The following ATG2A variants were observed in gnomAD, a reference collection of about 807,000 sequenced individuals.
The protein encoded by ATG2A is autophagy-related protein 2 homolog A.
A neutral mutation model predicts 214.2 loss-of-function variants in ATG2A; 103 were observed. That is an observed-to-expected ratio of 0.48 (90% CI 0.41 to 0.57). ATG2A has a LOEUF of 0.57. Among genes scored for constraint, ATG2A ranks in the 20% least tolerant of loss-of-function variants. ATG2A has a pLI of 0.00. For missense variants in ATG2A, 2,312 were observed against 2,613.2 expected, an observed-to-expected ratio of 0.88 and a Z score of 2.51; for synonymous variants, 1,160 against 1,142.1, an observed-to-expected ratio of 1.02 and a Z score of -0.32.
upstream of ATG2A, chr11:64,917,209 T>TAG (rs1945023778): frequency 2.8e-6 from 4 of 1,430,302 alleles, no homozygotes; most frequent in Admixed American, 9.6e-5. Flanking sequence ...CGCTGTTCAC[T>TAG]AGAGCCCCCG....
In ATG2A at chr11:64,913,277, G is replaced by A; in HGVS notation, c.715C>T (p.Leu239Phe). The A allele has an allele frequency of 1.2e-6, 2 of 1,611,466 alleles. No individual in the cohort carries two copies. The highest frequency in any genetic ancestry group is 1.7e-6 in the Non-Finnish European group (2 of 1,179,606). ...CAGAGCCCGCTCACCTGTGCCGGGA[G>A]CTCCTCGTAGTGCAGGCGGACCCCT... The part of the protein sequence containing the change: ...LAGVRLHYEE[L>F]PAQEEPPEPP... Residue 239 changes from leucine to phenylalanine, a missense_variant, in exon 5 of 41, where the codon CTC becomes TTC. Physicochemically the swap from Leu to Phe is conservative, Grantham distance 22. Transcript: ENST00000377264. The surrounding 1 kb of genome is among the most constrained non-coding windows in gnomAD (Gnocchi z 4.3).
Position 64,910,086 on chromosome 11 carries a change from A to T in ATG2A, c.1817T>A (p.Leu606Gln). 1 of 1,608,170 alleles carries T rather than the reference A, an allele frequency of 6.2e-7. No individual in the cohort carries two copies. The highest frequency in any genetic ancestry group is 8.5e-7 in the Non-Finnish European group (1 of 1,178,348). ...ELGALDRLAA[L>Q]LRLATVPAEP... ...AGCAGGTACGGTGGCCAGGCGCAGTAGGGCGGCCAGCCGGTCCAGGGCCCC... is the reference window on the plus strand; with the variant it reads ...AGCAGGTACGGTGGCCAGGCGCAGTTGGGCGGCCAGCCGGTCCAGGGCCCC... The change falls in exon 13 of 41, where the codon CTA (leucine) becomes CAA (glutamine). Residue 606 changes from leucine (L) to glutamine (Q), a missense_variant. Physicochemically the swap from Leu to Gln is moderately radical, Grantham distance 113. Coordinates refer to ENST00000377264, the MANE Select transcript of ATG2A (RefSeq NM_015104.3).
intron 8 of ATG2A, 32 bp from the exon 9 acceptor site, chr11:64,912,014 C>A: frequency 1.2e-6 from 2 of 1,613,286 alleles, no homozygotes; most frequent in Non-Finnish European, 1.7e-6. Context: ...TCAGGGACAG[C>A]CGACCCCAGC....
At position 64,905,816 on chromosome 11, in the gene ATG2A, A is replaced by G. The variant is rs747763922; in HGVS notation, c.3297T>C (p.Pro1099=). The change falls in exon 23 of 41, where the codon CCT becomes CCC. Residue 1099 remains proline, a synonymous_variant. Transcript: ENST00000377264. Reference sequence around the variant, plus strand: ...CCGTCGGGGGCAGGTAGCCCAGCACAGGGTCATCCAGCACGTCTAGGAACT... The same window carrying G: ...CCGTCGGGGGCAGGTAGCCCAGCACGGGGTCATCCAGCACGTCTAGGAACT... ...LLEFLDVLDD[P]VLGYLPPTVI... 2 of 1,613,558 alleles carry G rather than the reference A, an allele frequency of 1.2e-6. No homozygotes were observed. Among genetic ancestry groups the G allele is most frequent in the African/African-American group, 2.7e-5 (2 of 74,926 alleles).
Position 64,912,392 on chromosome 11 carries a change from T to A in ATG2A, c.857A>T (p.His286Leu). 6.5e-7 allele frequency: 1 copy of A among 1,548,922 alleles called. No homozygotes were observed. Among genetic ancestry groups the A allele is most frequent in the Non-Finnish European group, 8.7e-7 (1 of 1,146,882 alleles). Residue 286 changes from histidine (H) to leucine (L), a missense_variant, in exon 7 of 41, where the codon CAC (histidine) becomes CTC (leucine). By Grantham distance (99) the His-to-Leu change is moderately conservative (BLOSUM62 -3). Transcript: ENST00000377264. ...LEVAGQLGSL[H>L]LLLTPRQLQQ... ...GAGCTGCCTCGGGGTCAGGAGCAGG[T>A]GCAGGGAGCCCAGCTGTCCCGCCAC...
chr11:64,906,039 A>T (rs2136590981), intron 22 of ATG2A, 74 bp downstream of exon 22: 1 of 1,507,296 alleles, frequency 6.6e-7, no homozygotes, highest in South Asian at 1.2e-5. Context: ...GCCTCCTCCC[A>T]CCTAGAGACC....
intron 1 of ATG2A, among the ~76,000 whole-genome samples, chr11:64,915,674 G>T (rs935630143): frequency 6.6e-6 from 1 of 152,270 alleles, no homozygotes; most frequent in Admixed American, 6.5e-5. Flanking sequence ...TTCTGGAGCT[G>T]AAAGTAAAAA....
rs779129451 is a variant in ATG2A, at chr11:64,913,808, G to A, written c.590+13C>T. The A allele has an allele frequency of 3.9e-5, 63 of 1,610,864 alleles. No homozygotes were observed. In the East Asian group the frequency reaches 8.7e-4, roughly 22 times the overall value. ...TCTTCACACCAGTCCACCCCAGATC[G>A]GCCTGCCCTTACCTCTGCACACGGA... On this transcript the variant is annotated intron_variant, in intron 4 of 40. Transcript: ENST00000377264. The surrounding 1 kb of genome is among the most constrained non-coding windows in gnomAD (Gnocchi z 4.3).
chr11:64,900,828 G>A (rs1944326353), intron 30 of ATG2A, 56 bp downstream of exon 30: 1 of 1,526,490 alleles, frequency 6.6e-7, no homozygotes, highest in East Asian at 2.5e-5. Context: ...AGTCAGACCT[G>A]GACCAGCCTG....
At chr11:64,909,243 C>T in intron 15 of ATG2A, 28 bp downstream of exon 15, 2 of 1,612,942 alleles carry the variant, frequency 1.2e-6, no homozygotes, top group Non-Finnish European at 1.7e-6. Context: ...CCCTCCTCTC[C>T]TGGGCCCAGT....
At position 64,909,852 on chromosome 11, in the gene ATG2A, G is replaced by A. The variant is rs138851076; in HGVS notation, c.1936C>T (p.Arg646Cys). Residue 646 changes from arginine (R) to cysteine (C), a missense_variant, in exon 14 of 41, where the codon CGC (arginine) becomes TGC (cysteine). Arg to Cys is a radical substitution (Grantham distance 180). Coordinates refer to ENST00000377264, the MANE Select transcript of ATG2A (RefSeq NM_015104.3). ...LSAPRATLRL[R>C]FPIADLRPEP... ...GGCCGCAGGTCGGCAATGGGGAAGC[G>A]CAGCCGCAGCGTGGCCCGGGGTGCA... 2.3e-3 allele frequency: 3,779 copies of A among 1,609,660 alleles called. 6 individuals are homozygous for A. The highest frequency in any genetic ancestry group is 3.1e-3 in the Non-Finnish European group (3,631 of 1,178,774).
At chr11:64,915,285 G>A (rs551159343) in intron 1 of ATG2A, among the ~76,000 whole-genome samples, 1 of 152,126 alleles carries the variant, frequency 6.6e-6, no homozygotes, top group South Asian at 2.1e-4. Flanking sequence ...TGCCTCCCCC[G>A]TCACCCCAGG....
At chr11:64,906,289 G>A in intron 21 of ATG2A, 45 bp downstream of exon 21, 1 of 1,608,306 alleles carries the variant, frequency 6.2e-7, no homozygotes, top group Non-Finnish European at 8.5e-7. Context: ...CACCGGGGCT[G>A]CAGCCCAGGC....
chr11:64,906,348 G>A lies in ATG2A; in HGVS notation c.3169C>T (p.His1057Tyr). ...STAVRIHLDP[H>Y]KNVKEFLVTL... is the part of the protein sequence containing the mutation. ...CAAGCCCATACCTTCACATTCTTGT[G>A]GGGGTCCAGGTGGATGCGCACAGCA... Residue 1057 changes from histidine to tyrosine, a missense_variant, in exon 21 of 41, where the codon CAC becomes TAC. By Grantham distance (83) the His-to-Tyr change is moderately conservative. Coordinates refer to ENST00000377264, the MANE Select transcript of ATG2A (RefSeq NM_015104.3). 6.2e-7 allele frequency: 1 copy of A among 1,613,148 alleles called. No individual in the cohort carries two copies. The highest frequency in any genetic ancestry group is 8.5e-7 in the Non-Finnish European group (1 of 1,179,896).
In ATG2A at chr11:64,901,032, C is replaced by T. The variant is rs905748825; in HGVS notation, c.4180G>A (p.Gly1394Ser). The change falls in exon 30 of 41, where the codon GGT becomes AGT. Residue 1394 changes from glycine (G) to serine (S), a missense_variant. Coordinates refer to ENST00000377264, the MANE Select transcript of ATG2A (RefSeq NM_015104.3). ...CTGCCGATCGGCCGTGAGAAGTAAC[C>T]GTCCCTCACAACGATGGGGCCGGGA... is the stretch of plus-strand genomic sequence containing the variant. ...LHPGPIVVRD[G>S]YFSRPIGSTD... 17 of 1,588,942 alleles carry T rather than the reference C, an allele frequency of 1.1e-5. No individual in the cohort carries two copies. Among genetic ancestry groups the T allele is most frequent in the African/African-American group, 4.0e-5 (3 of 74,288 alleles).
At position 64,906,735 on chromosome 11, in the gene ATG2A, G is replaced by T. The variant is rs1306212407; in HGVS notation, c.2913C>A (p.Ser971=). Residue 971 remains serine, a synonymous_variant, in exon 20 of 41, where the codon TCC becomes TCA. Transcript: ENST00000377264. Reference sequence around the variant, plus strand: ...CAAGTCCTGGCTGGCCACAGTACTGGGAGACGCTGAAGAGGGTACCGTGCT... The same window carrying T: ...CAAGTCCTGGCTGGCCACAGTACTGTGAGACGCTGAAGAGGGTACCGTGCT... ...DMEHGTLFSV[S]QYCGQPGLGY... is the part of the protein sequence containing the mutation. 1 of 1,613,676 alleles carries T rather than the reference G, an allele frequency of 6.2e-7. No individual in the cohort carries two copies. Among genetic ancestry groups the T allele is most frequent in the Admixed American group, 1.7e-5 (1 of 60,026 alleles).
At position 64,894,895 on chromosome 11, in the gene ATG2A, C is replaced by T; in HGVS notation, c.*78G>A. 2 of 1,550,434 alleles carry T rather than the reference C, an allele frequency of 1.3e-6. No individual in the cohort carries two copies. The highest frequency in any genetic ancestry group is 2.2e-5 in the East Asian group (1 of 44,588). The stretch of plus-strand genomic sequence containing the variant: ...CCATCCCCTGAAGGGCCAGGCCGGG[C>T]CGGGCCCGTGGGCTGCAGCTCTTGG... On this transcript the variant is annotated 3_prime_UTR_variant, in exon 41 of 41. Coordinates refer to ENST00000377264, the MANE Select transcript of ATG2A (RefSeq NM_015104.3).
In ATG2A at chr11:64,894,973, TCA is replaced by T. The variant is rs771615064; in HGVS notation, c.5815_5816del (p.Ter1939SerfsTer16). 1.2e-6 allele frequency: 2 copies of T among 1,611,786 alleles called. No individual in the cohort carries two copies. Among genetic ancestry groups the T allele is most frequent in the Admixed American group, 3.3e-5 (2 of 59,936 alleles). The part of the protein sequence containing the change: ...LKWRSDSAQD[*>X] ...CCTCTGGGTGCCGGGCACCCCAGGC[TCA>T]GTCTTGGGCACTGTCCGAGCGCCAC... On this transcript the variant is annotated frameshift_variant and stop_lost, in exon 41 of 41. Transcript: ENST00000377264. LOFTEE classifies it high-confidence loss of function.
At chr11:64,908,124 AGGTTAT>A (rs1190728012) in intron 16 of ATG2A, among the ~76,000 whole-genome samples, 5 of 152,200 alleles carry the variant, frequency 3.3e-5, no homozygotes, top group Non-Finnish European at 5.9e-5. Flanking sequence ...CCTGTGACAC[AGGTTAT>A]GGTTAGGCTG....
Sources: allele counts gnomAD v4.1 joint callset (sites outside exome capture counted in the v4.1 genomes callset), GRCh38; gene constraint gnomAD v4.1.1; non-coding constraint Gnocchi (gnomAD v3.1); transcripts MANE v1.5; gene names NCBI Gene and HGNC (gene_info 2026-07-23, HGNC 2026-07-21).